The following ABCC1 variants were observed in gnomAD, a reference collection of about 807,000 sequenced individuals.
ABCC1 encodes the protein ATP binding cassette subfamily C member 1 (ABCC1 blood group).
Under a neutral mutation model 172.9 loss-of-function variants are expected in ABCC1, and 83 were observed. The observed-to-expected ratio is 0.48, with a 90% CI of 0.40 to 0.58. The LOEUF (loss-of-function observed/expected upper bound fraction) is 0.58. ABCC1 is among the 20% of genes least tolerant of loss of function. The probability of loss-of-function intolerance (pLI) is 0.00; values close to 1 mark genes in which losing one functional copy is unlikely to be tolerated. For missense variants in ABCC1, 1,817 were observed against 2,002.7 expected (o/e 0.91, Z 1.77); for synonymous variants, 937 against 825.2 (o/e 1.14, Z -2.32).
intron 1 of ABCC1, among the ~76,000 whole-genome samples, chr16:15,972,588 T>G (rs1214715778): frequency 6.6e-6 from 1 of 152,060 alleles, no homozygotes; most frequent in East Asian, 1.9e-4. Context: ...AGTCCAAGCC[T>G]TCTTCAAAGG....
intron 12 of ABCC1, among the ~76,000 whole-genome samples, chr16:16,065,847 G>C (rs2050092583): frequency 6.6e-6 from 1 of 152,156 alleles, no homozygotes; most frequent in Admixed American, 6.6e-5. Flanking sequence ...CAAAGCATTT[G>C]GATTACAGGC....
chr16:16,047,408 C>A (rs967353686), intron 9 of ABCC1, among the ~76,000 whole-genome samples: 2 of 152,174 alleles, frequency 1.3e-5, no homozygotes, highest in African/African-American at 4.8e-5. Context: ...CCTGCCACCT[C>A]AGCCCACCAC....
rs1474534301 is a variant in ABCC1, at chr16:16,036,742, C to T, written c.809+139C>T. The T allele has an allele frequency of 1.7e-5, 15 of 887,492 alleles. No homozygotes were observed. In the South Asian group the frequency reaches 2.4e-4, roughly 14 times the overall value. The allele number at this position is 887,492 out of a possible 1,614,324, so 55.0% of individuals were successfully genotyped here. A position where few individuals can be genotyped will look rare whatever the true frequency, so the allele number is the denominator to read the frequency against. On this transcript the variant is annotated intron_variant, in intron 7 of 30. Transcript: ENST00000399410. ...CTGGGCAAGATGCCTCACTTCTCCT[C>T]CTGGCCTCAGTTTGCTTTTCTGCCA...
At chr16:15,978,366 TCAAACAAACAAA>T (rs111918364) in intron 1 of ABCC1, among the ~76,000 whole-genome samples, 4 of 151,948 alleles carry the variant, frequency 2.6e-5, no homozygotes, top group African/African-American at 4.8e-5. Flanking sequence ...AAACCCCATC[TCAAACAAACAAA>T]CAAACAAACA....
intron 19 of ABCC1, among the ~76,000 whole-genome samples, chr16:16,092,728 G>A (rs1323415621): frequency 6.6e-6 from 1 of 152,196 alleles, no homozygotes; most frequent in Non-Finnish European, 1.5e-5. Context: ...GGTGGTTTGT[G>A]CCTGTAATCC....
At chr16:16,094,390 C>A in intron 19 of ABCC1, 1 of 218,534 alleles carries the variant, frequency 4.6e-6, no homozygotes, top group South Asian at 6.8e-5. Context: ...GTACATCTAC[C>A]AACTCCACCA....
Position 16,125,773 on chromosome 16 carries a change from T to C in ABCC1, c.3718-37T>C, listed in dbSNP as rs779434035. 4 of 1,447,746 alleles carry C rather than the reference T, an allele frequency of 2.8e-6. No homozygotes were observed. In the Admixed American group the frequency reaches 5.6e-5, roughly 20 times the overall value. 89.7% of individuals were successfully genotyped at this position (1,447,746 alleles called of 1,614,324 possible). A position where few individuals can be genotyped will look rare whatever the true frequency, so the allele number is the denominator to read the frequency against. ...AAAAAGGAAAGTCAAGTACGCCCGC[T>C]TACTCTAGAAATGCCACGTGACTCT... is the stretch of plus-strand genomic sequence containing the variant. On this transcript the variant is annotated intron_variant, in intron 25 of 30. Coordinates refer to ENST00000399410, the MANE Select transcript of ABCC1 (RefSeq NM_004996.4).
chr16:16,079,333 G>A lies in ABCC1; in HGVS notation c.1989-19G>A. 2.5e-6 allele frequency: 4 copies of A among 1,613,014 alleles called. No homozygotes were observed. The highest frequency in any genetic ancestry group is 3.4e-6 in the Non-Finnish European group (4 of 1,179,228). On this transcript the variant is annotated intron_variant, in intron 15 of 30. Transcript: ENST00000399410. ...GCCTCATTCAGCGTGGCTGAGCCAGGTGTGTTGTGTCGTTTCAGCATCACC... is the reference window on the plus strand; with the variant it reads ...GCCTCATTCAGCGTGGCTGAGCCAGATGTGTTGTGTCGTTTCAGCATCACC...
intron 15 of ABCC1, 52 bp downstream of exon 15, chr16:16,076,453 T>C (rs761043278): frequency 6.6e-7 from 1 of 1,510,654 alleles, no homozygotes; most frequent in South Asian, 1.2e-5. Context: ...CACAGGGCTT[T>C]TGTTAAACGT....
At chr16:16,026,055 T>A (rs974461792) in intron 5 of ABCC1, among the ~76,000 whole-genome samples, 1 of 152,174 alleles carries the variant, frequency 6.6e-6, no homozygotes, top group Admixed American at 6.6e-5. Context: ...TGATTTTTTT[T>A]CCTCCTTTTT....
chr16:16,077,708 G>A (rs1001804256), intron 15 of ABCC1, among the ~76,000 whole-genome samples: 1 of 152,162 alleles, frequency 6.6e-6, no homozygotes, highest in Non-Finnish European at 1.5e-5. Context: ...TGACAGCAAC[G>A]ACTATCAGCA....
intron 5 of ABCC1, among the ~76,000 whole-genome samples, chr16:16,023,473 C>G (rs2048263711): frequency 6.6e-6 from 1 of 152,164 alleles, no homozygotes. Flanking sequence ...AGTCTCTGTC[C>G]CCACCCACCA....
intron 1 of ABCC1, among the ~76,000 whole-genome samples, chr16:15,953,899 A>G (rs2151477768): frequency 6.6e-6 from 1 of 152,132 alleles, no homozygotes; most frequent in South Asian, 2.1e-4. Flanking sequence ...CCCTTGGCTC[A>G]ACAGCAGTGT....
intron 1 of ABCC1, among the ~76,000 whole-genome samples, chr16:15,996,396 A>G (rs1252023608): frequency 6.6e-6 from 1 of 152,160 alleles, no homozygotes; most frequent in East Asian, 1.9e-4. Context: ...AGTGCTGGGA[A>G]ATATAGGCAT....
At chr16:15,952,740 AAAAAGC>A (rs1862752957) in intron 1 of ABCC1, among the ~76,000 whole-genome samples, 1 of 147,398 alleles carries the variant, frequency 6.8e-6, no homozygotes, top group Non-Finnish European at 1.5e-5. Context: ...AAAAAAAAAA[AAAAAGC>A]AGGCCGGGTG....
chr16:16,076,470 G>T lies in ABCC1; in HGVS notation c.1988+69G>T. On this transcript the variant is annotated intron_variant, in intron 15 of 30. Coordinates refer to ENST00000399410, the MANE Select transcript of ABCC1 (RefSeq NM_004996.4). ...CAGGGCTTTTGTTAAACGTGGATTCGAATTCCCACCGTGCTCCCTCTCTGT... is the reference window on the plus strand; with the variant it reads ...CAGGGCTTTTGTTAAACGTGGATTCTAATTCCCACCGTGCTCCCTCTCTGT... 3 of 1,431,498 alleles carry T rather than the reference G, an allele frequency of 2.1e-6. 1 individual carries two copies. In the South Asian group the frequency reaches 4.0e-5, roughly 19 times the overall value. 88.7% of individuals were successfully genotyped at this position (1,431,498 alleles called of 1,614,324 possible).
At chr16:15,999,271 C>T (rs942400403) in intron 1 of ABCC1, among the ~76,000 whole-genome samples, 2 of 152,098 alleles carry the variant, frequency 1.3e-5, no homozygotes, top group African/African-American at 2.4e-5. Context: ...TCCCGAAGTG[C>T]TGGGTTTACA....
At chr16:16,063,695 G>T (rs938285455) in intron 12 of ABCC1, among the ~76,000 whole-genome samples, 2 of 152,188 alleles carry the variant, frequency 1.3e-5, no homozygotes, top group African/African-American at 2.4e-5. Flanking sequence ...CCAAGATAAT[G>T]TTGGGAATAA....
At chr16:16,036,410 C>T (rs185771469) in intron 6 of ABCC1, 62 bp from the exon 7 acceptor site, 39 of 1,530,286 alleles carry the variant, frequency 2.5e-5, no homozygotes, top group Admixed American at 1.1e-4. Flanking sequence ...GAGTGAGCCC[C>T]GTCCTCCCCC....
Sources: gnomAD v4.1 joint callset for allele counts (sites outside exome capture counted in the v4.1 genomes callset) on GRCh38, gnomAD v4.1.1 for gene constraint, MANE v1.5 for transcripts, NCBI Gene and HGNC (gene_info 2026-07-23, HGNC 2026-07-21) for gene names.